The following SORCS1 variants were observed in gnomAD, a reference collection of about 807,000 sequenced individuals.
SORCS1 encodes VPS10 domain-containing receptor SorCS1.
Under a neutral mutation model 146.1 loss-of-function variants are expected in SORCS1, and 60 were observed. That is an observed-to-expected ratio of 0.41 (90% CI 0.33 to 0.51). SORCS1 has a LOEUF of 0.51. Ranked by LOEUF, SORCS1 falls within the 20% of genes least tolerant of loss-of-function variation. The pLI, the probability that SORCS1 is intolerant of heterozygous loss-of-function variation, is 0.21. For synonymous variants in SORCS1, 637 were observed against 584.0 expected, an observed-to-expected ratio of 1.09 and a Z score of -1.31; for missense variants, 1,352 against 1,487.6, an observed-to-expected ratio of 0.91 and a Z score of 1.50.
chr10:106,738,893 GC>G (rs1425399563), intron 5 of SORCS1, among the ~76,000 whole-genome samples: 1 of 152,008 alleles, frequency 6.6e-6, no homozygotes, highest in Non-Finnish European at 1.5e-5. Context: ...TCACTATACT[GC>G]CCCGGCTGGT....
chr10:106,651,961 T>C (rs901263558), intron 18 of SORCS1, among the ~76,000 whole-genome samples: 5 of 152,332 alleles, frequency 3.3e-5, no homozygotes, highest in Admixed American at 2.6e-4. Context: ...TGCATGACCA[T>C]CGTGTTGCCC....
chr10:107,088,020 G>C (rs1452252854), intron 1 of SORCS1, among the ~76,000 whole-genome samples: 1 of 151,994 alleles, frequency 6.6e-6, no homozygotes, highest in African/African-American at 2.4e-5. Context: ...CCGGGTTCAC[G>C]CCATTCTCCT....
chr10:106,947,197 C>T (rs1954391828), intron 2 of SORCS1, among the ~76,000 whole-genome samples: 1 of 152,172 alleles, frequency 6.6e-6, no homozygotes, highest in African/African-American at 2.4e-5. Context: ...ACTATTATTG[C>T]TTGCACGTGT....
chr10:106,766,248 A>T (rs1564946929), intron 4 of SORCS1, among the ~76,000 whole-genome samples: 1 of 152,172 alleles, frequency 6.6e-6, no homozygotes, highest in Non-Finnish European at 1.5e-5. Context: ...GAAAAGGCTG[A>T]CAGAAAATCC....
At chr10:107,135,598 G>T (rs1214395348) in intron 1 of SORCS1, among the ~76,000 whole-genome samples, 2 of 152,170 alleles carry the variant, frequency 1.3e-5, no homozygotes, top group Non-Finnish European at 2.9e-5. Flanking sequence ...TAGAAGCTCT[G>T]ATATAGAATA....
chr10:106,797,532 G>A, intron 3 of SORCS1, among the ~76,000 whole-genome samples: 1 of 146,562 alleles, frequency 6.8e-6, no homozygotes, highest in East Asian at 2.1e-4. Flanking sequence ...TTTTTTTTTA[G>A]CAGTGCCAGA....
At chr10:107,178,252 C>G in the SORCS1 span, among the ~76,000 whole-genome samples, 1 of 152,100 alleles carries the variant, frequency 6.6e-6, no homozygotes, top group African/African-American at 2.4e-5. Flanking sequence ...TCCTGTGTAG[C>G]TGTATATTTG....
rs1180288771 is a variant in SORCS1, at chr10:107,164,565, C to G, written c.-39G>C. 2.3e-6 allele frequency: 3 copies of G among 1,316,920 alleles called. No homozygotes were observed. In the East Asian group the frequency reaches 9.4e-5, roughly 41 times the overall value. The allele number at this position is 1,316,920 out of a possible 1,614,324, so 81.6% of individuals were successfully genotyped here. A position where few individuals can be genotyped will look rare whatever the true frequency, so the allele number is the denominator to read the frequency against. On this transcript the variant is annotated 5_prime_UTR_variant, in exon 1 of 26. Coordinates refer to ENST00000263054, the MANE Select transcript of SORCS1 (RefSeq NM_052918.5). The surrounding 1 kb of genome is among the most constrained non-coding windows in gnomAD (Gnocchi z 6.8). ...AGCAGCGGAGAGAGGGGTCCCAGAA[C>G]GAAGGTGGCGGCACGAGCTCTGCGC...
At chr10:106,838,287 T>C (rs796275192) in intron 2 of SORCS1, among the ~76,000 whole-genome samples, 8 of 152,332 alleles carry the variant, frequency 5.3e-5, no homozygotes, top group African/African-American at 1.9e-4. Context: ...CCTTGATTTT[T>C]AGAGCAGTTT....
chr10:106,686,670 CTCT>C (rs1358476949), intron 10 of SORCS1, among the ~76,000 whole-genome samples: 4 of 152,204 alleles, frequency 2.6e-5, no homozygotes, highest in African/African-American at 9.7e-5. Context: ...CTTTTTCCTC[CTCT>C]TAAGTTGCCA....
intron 24 of SORCS1, among the ~76,000 whole-genome samples, chr10:106,586,620 C>T (rs1021011749): frequency 1.3e-5 from 2 of 151,960 alleles, no homozygotes; most frequent in Admixed American, 6.6e-5. Flanking sequence ...CTTTTACGGT[C>T]CCCCGTAATC....
chr10:106,777,871 A>T (rs1860574008), intron 3 of SORCS1, among the ~76,000 whole-genome samples: 1 of 152,184 alleles, frequency 6.6e-6, no homozygotes, highest in Non-Finnish European at 1.5e-5. Context: ...ATTAATTGGT[A>T]CTTTCTGAAT....
In SORCS1 at chr10:106,827,728, T is replaced by C. The variant is rs1387416337; in HGVS notation, c.726+1846A>G. On this transcript the variant is annotated intron_variant, in intron 3 of 25. Transcript: ENST00000263054. ...TGTTTAGGTGTAATTGTTGATGAAG[T>C]AGCCAGCCAATTAAGGGAAGATAGG... is the stretch of plus-strand genomic sequence containing the variant. 2.6e-5 allele frequency among the ~76,000 whole-genome samples: 4 copies of C among 152,320 alleles called. No homozygotes were observed. In the East Asian group the frequency reaches 5.8e-4, roughly 22 times the overall value.
intron 1 of SORCS1, among the ~76,000 whole-genome samples, chr10:107,146,498 C>G (rs180932202): frequency 2.7e-4 from 41 of 152,264 alleles, no homozygotes; most frequent in East Asian, 7.7e-4. Context: ...ATGCCCCATG[C>G]TCTTAGCTTA....
intron 18 of SORCS1, among the ~76,000 whole-genome samples, chr10:106,642,311 T>G (rs994121058): frequency 2.0e-4 from 30 of 152,310 alleles, no homozygotes; most frequent in African/African-American, 6.5e-4. Context: ...TCTTTTGCCC[T>G]CTCTGCATTA....
chr10:107,080,977 C>T (rs1963285536), intron 1 of SORCS1, among the ~76,000 whole-genome samples: 1 of 152,114 alleles, frequency 6.6e-6, no homozygotes, highest in African/African-American at 2.4e-5. Context: ...TTTATCATAA[C>T]ATTTAGTCAC....
At chr10:106,958,160 C>A (rs988642799) in intron 1 of SORCS1, among the ~76,000 whole-genome samples, 6 of 152,206 alleles carry the variant, frequency 3.9e-5, no homozygotes, top group African/African-American at 1.4e-4. Flanking sequence ...TGTTCCTAAC[C>A]ACTGATTTCT....
chr10:106,937,972 G>GAAAAAAAAAAAA (rs76116094), intron 2 of SORCS1, among the ~76,000 whole-genome samples: 1 of 129,174 alleles, frequency 7.7e-6, no homozygotes, highest in Non-Finnish European at 1.6e-5. Context: ...TCAAAAAGAA[G>GAAAAAAAAAAAA]AAAAAAAAAA....
chr10:106,853,427 T>A (rs1018380614), intron 2 of SORCS1, among the ~76,000 whole-genome samples: 6 of 151,798 alleles, frequency 4.0e-5, no homozygotes, highest in African/African-American at 1.4e-4. Context: ...AAACAGGTTT[T>A]GGTTTTGTTG....
Sources: gnomAD v4.1 joint callset for allele counts (sites outside exome capture counted in the v4.1 genomes callset) on GRCh38, gnomAD v4.1.1 for gene constraint, Gnocchi (gnomAD v3.1) non-coding constraint, MANE v1.5 for transcripts, NCBI Gene and HGNC (gene_info 2026-07-23, HGNC 2026-07-21) for gene names.